ESRRG: variants seen among roughly 807,000 people sequenced by gnomAD.
ESRRG encodes the protein estrogen related receptor gamma.
A neutral mutation model predicts 44.0 loss-of-function variants in ESRRG; 13 were observed. The observed-to-expected ratio is 0.30, with a 90% confidence interval of 0.19 to 0.47. ESRRG has a LOEUF of 0.47. Among genes scored for constraint, ESRRG ranks in the 20% least tolerant of loss-of-function variants. The pLI is 1.00. For synonymous variants in ESRRG, 215 were observed against 214.6 expected, an observed-to-expected ratio of 1.00 and a Z score of -0.02; for missense variants, 395 against 580.6, an observed-to-expected ratio of 0.68 and a Z score of 3.29.
In ESRRG at chr1:216,550,975, C is replaced by T. The variant is rs141713680; in HGVS notation, c.862+13244G>A. ...TAATCAGAACATGGGAATAGAGAGC[C>T]GCAGAACGGTCAATGCTGAAATACT... On this transcript the variant is annotated intron_variant, in intron 5 of 6. Transcript: ENST00000408911. Among the ~76,000 whole-genome samples the T allele has an allele frequency of 4.0e-3, 601 of 152,138 alleles. 6 individuals carry two copies. The highest frequency in any genetic ancestry group is 0.014 in the African/African-American group (571 of 41,518).
chr1:216,936,126 A>C (rs1448431850), intron 2 of ESRRG, among the ~76,000 whole-genome samples: 2 of 152,112 alleles, frequency 1.3e-5, no homozygotes, highest in Non-Finnish European at 2.9e-5. Context: ...TCAAACAGGA[A>C]ATTCCAAGGG....
At chr1:216,868,733 A>C (rs2149185852) in intron 2 of ESRRG, among the ~76,000 whole-genome samples, 1 of 152,288 alleles carries the variant, frequency 6.6e-6, no homozygotes, top group Non-Finnish European at 1.5e-5. Flanking sequence ...AGCACTAGGT[A>C]TAGTCACACT....
chr1:217,034,097 T>A (rs747322062), intron 1 of ESRRG, among the ~76,000 whole-genome samples: 35 of 152,336 alleles, frequency 2.3e-4, no homozygotes, highest in Non-Finnish European at 2.9e-4. Flanking sequence ...AGTTCTTTCA[T>A]CTAGCTATGG....
At chr1:217,064,701 A>C (rs987579736) in intron 1 of ESRRG, among the ~76,000 whole-genome samples, 1 of 152,194 alleles carries the variant, frequency 6.6e-6, no homozygotes, top group Non-Finnish European at 1.5e-5. Context: ...AGTGTATTAC[A>C]ACTTGCACTA....
At chr1:216,538,439 T>C (rs2051665641) in intron 5 of ESRRG, among the ~76,000 whole-genome samples, 1 of 152,044 alleles carries the variant, frequency 6.6e-6, no homozygotes, top group African/African-American at 2.4e-5. Flanking sequence ...TCCTGGCACC[T>C]ATCTCCCCAC....
In ESRRG at chr1:216,549,674, C is replaced by T. The variant is rs568084314; in HGVS notation, c.862+14545G>A. ...CATACTGGGGCACTGCATACATGCACGTCTTCACAGAGAATGGCTTAGATC... is the reference window on the plus strand; with the variant it reads ...CATACTGGGGCACTGCATACATGCATGTCTTCACAGAGAATGGCTTAGATC... On this transcript the variant is annotated intron_variant, in intron 5 of 6. Transcript: ENST00000408911. Among the ~76,000 whole-genome samples, 5 of 152,186 alleles carry T rather than the reference C, an allele frequency of 3.3e-5. No homozygotes were observed. In the East Asian group the frequency reaches 5.8e-4, roughly 18 times the overall value.
chr1:216,858,297 C>T (rs1336006829), intron 2 of ESRRG, among the ~76,000 whole-genome samples: 2 of 151,174 alleles, frequency 1.3e-5, no homozygotes, highest in East Asian at 1.9e-4. Flanking sequence ...ATTAGCCAGG[C>T]GTGGTGGCGG....
At chr1:217,118,964 G>C (rs565867532) in intron 1 of ESRRG, among the ~76,000 whole-genome samples, 11 of 152,186 alleles carry the variant, frequency 7.2e-5, no homozygotes, top group Middle Eastern at 3.4e-3. Context: ...CTGCACTCCA[G>C]CCTGGGTGAC....
chr1:216,636,386 T>C (rs1343599839), intron 3 of ESRRG, among the ~76,000 whole-genome samples: 1 of 152,120 alleles, frequency 6.6e-6, no homozygotes, highest in Non-Finnish European at 1.5e-5. Flanking sequence ...TGAAGAAAAA[T>C]AAAAGCCAAA....
chr1:216,562,765 A>C lies in ESRRG; in HGVS notation c.862+1454T>G, dbSNP rs575906787. ...AATGATATATTAATATAAATGATATATATCAATCACCTAAAAAAGTGTCTA... is the reference window on the plus strand; with the variant it reads ...AATGATATATTAATATAAATGATATCTATCAATCACCTAAAAAAGTGTCTA... On this transcript the variant is annotated intron_variant, in intron 5 of 6. Coordinates refer to ENST00000408911, the MANE Select transcript of ESRRG (RefSeq NM_001438.4). Among the ~76,000 whole-genome samples, 13 of 152,282 alleles carry C rather than the reference A, an allele frequency of 8.5e-5. No homozygotes were observed. In the South Asian group the frequency reaches 2.1e-3, roughly 24 times the overall value.
intron 2 of ESRRG, among the ~76,000 whole-genome samples, chr1:216,843,604 G>C (rs1002351132): frequency 2.0e-5 from 3 of 152,118 alleles, no homozygotes; most frequent in African/African-American, 7.2e-5. Flanking sequence ...ACATTCTGAT[G>C]ATCCAATTAA....
chr1:216,705,602 A>G (rs1487095372), intron 1 of ESRRG, among the ~76,000 whole-genome samples: 2 of 152,232 alleles, frequency 1.3e-5, no homozygotes, highest in Non-Finnish European at 2.9e-5. Context: ...TTGGTTTGTA[A>G]TCTGCACAAT....
intron 3 of ESRRG, among the ~76,000 whole-genome samples, chr1:216,596,115 G>A (rs1212157120): frequency 6.6e-6 from 1 of 152,118 alleles, no homozygotes; most frequent in African/African-American, 2.4e-5. Context: ...GTCGAATGAG[G>A]AACAACATAA....
At chr1:216,858,789 C>T (rs2095999997) in intron 2 of ESRRG, among the ~76,000 whole-genome samples, 1 of 152,238 alleles carries the variant, frequency 6.6e-6, no homozygotes, top group South Asian at 2.1e-4. Flanking sequence ...CAATAAATGT[C>T]CCCAGCTGTG....
intron 1 of ESRRG, chr1:217,000,295 T>C (rs923545145): frequency 2.6e-5 from 4 of 152,160 alleles, no homozygotes; most frequent in African/African-American, 9.7e-5. Flanking sequence ...GTCAGCAGGG[T>C]TGATTCCTTT....
intron 1 of ESRRG, among the ~76,000 whole-genome samples, chr1:216,706,824 A>C (rs1197114102): frequency 6.6e-6 from 1 of 152,226 alleles, no homozygotes; most frequent in Admixed American, 6.5e-5. Flanking sequence ...AAAAATGTGA[A>C]AGACAATAAT....
intron 1 of ESRRG, among the ~76,000 whole-genome samples, chr1:216,717,055 C>T (rs2085051908): frequency 6.6e-6 from 1 of 151,810 alleles, no homozygotes; most frequent in African/African-American, 2.4e-5. Flanking sequence ...GAAATCAAAA[C>T]ATCAAAAGCA....
chr1:216,551,478 C>A (rs2056318695), intron 5 of ESRRG, among the ~76,000 whole-genome samples: 2 of 152,038 alleles, frequency 1.3e-5, no homozygotes, highest in South Asian at 4.1e-4. Flanking sequence ...CTCAACCATA[C>A]AATATAGTAC....
At chr1:217,103,064 T>A (rs1235971986) in intron 1 of ESRRG, among the ~76,000 whole-genome samples, 2 of 152,168 alleles carry the variant, frequency 1.3e-5, no homozygotes, top group Non-Finnish European at 2.9e-5. Context: ...TGTCATTCTG[T>A]GTCAAAGGGG....
Sources: gnomAD v4.1 joint callset for allele counts (sites outside exome capture counted in the v4.1 genomes callset) on GRCh38, gnomAD v4.1.1 for gene constraint, MANE v1.5 for transcripts, NCBI Gene and HGNC (gene_info 2026-07-23, HGNC 2026-07-21) for gene names.